Variants in BNC2 observed in about 807,000 individuals in gnomAD.
The protein encoded by BNC2 is basonuclin zinc finger protein 2, also known as zinc finger protein basonuclin-2.
A neutral mutation model predicts 76.3 loss-of-function variants in BNC2; 20 were observed. That is an observed-to-expected ratio of 0.26 (90% CI 0.18 to 0.38). The LOEUF (loss-of-function observed/expected upper bound fraction) is 0.38, where lower values mean the gene tolerates loss of function less well. Among genes scored for constraint, BNC2 ranks in the 10% least tolerant of loss-of-function variants. The pLI is 1.00. For missense variants in BNC2, 1,382 were observed against 1,399.8 expected, an observed-to-expected ratio of 0.99 and a Z score of 0.20; for synonymous variants, 582 against 514.8, an observed-to-expected ratio of 1.13 and a Z score of -1.77.
chr9:16,857,452 G>C (rs1044368809), intron 1 of BNC2, among the ~76,000 whole-genome samples: 23 of 136,528 alleles, frequency 1.7e-4, no homozygotes, highest in African/African-American at 5.8e-4. Context: ...ACACCAGCCT[G>C]GGCAACAGAG....
intron 1 of BNC2, among the ~76,000 whole-genome samples, chr9:16,796,969 C>A (rs1275681964): frequency 6.6e-6 from 1 of 152,090 alleles, no homozygotes; most frequent in Admixed American, 6.5e-5. Flanking sequence ...TACGATATGG[C>A]ACAAAACAAG....
chr9:16,843,895 A>G (rs1818896077), intron 1 of BNC2, among the ~76,000 whole-genome samples: 2 of 152,244 alleles, frequency 1.3e-5, no homozygotes, highest in Non-Finnish European at 1.5e-5. Flanking sequence ...CAGAACTGAT[A>G]ATGCCATGAG....
intron 4 of BNC2, among the ~76,000 whole-genome samples, chr9:16,570,933 TTC>T (rs1312903126): frequency 2.6e-5 from 4 of 152,206 alleles, no homozygotes; most frequent in Non-Finnish European, 4.4e-5. Context: ...GTGCTTTGAA[TTC>T]TGTTTACTAA....
intron 1 of BNC2, chr9:16,867,248 T>G (rs1365279525): frequency 1.3e-5 from 2 of 152,196 alleles, no homozygotes; most frequent in African/African-American, 4.8e-5. Context: ...ATGAACTGTA[T>G]CTGTGGGGTT....
chr9:16,869,238 C>A (rs1819616808), intron 1 of BNC2, among the ~76,000 whole-genome samples: 1 of 151,686 alleles, frequency 6.6e-6, no homozygotes, highest in Non-Finnish European at 1.5e-5. Context: ...AAACAGGCCA[C>A]TTTTTGCCAC....
At chr9:16,645,869 G>C (rs1207223685) in intron 3 of BNC2, among the ~76,000 whole-genome samples, 2 of 152,152 alleles carry the variant, frequency 1.3e-5, no homozygotes, top group African/African-American at 4.8e-5. Flanking sequence ...CTCTCAAGTA[G>C]CAACTCAGGT....
chr9:16,531,360 G>A (rs1408988777), intron 5 of BNC2, among the ~76,000 whole-genome samples: 1 of 151,272 alleles, frequency 6.6e-6, no homozygotes, highest in Non-Finnish European at 1.5e-5. Context: ...AGATGCTACA[G>A]CAGATTTCTG....
chr9:16,558,163 T>C (rs947154099), intron 4 of BNC2, among the ~76,000 whole-genome samples: 14 of 152,176 alleles, frequency 9.2e-5, no homozygotes, highest in African/African-American at 2.2e-4. Flanking sequence ...CAGTATTTCA[T>C]AGAACTGAAT....
intron 1 of BNC2, among the ~76,000 whole-genome samples, chr9:16,770,104 C>G (rs2135451544): frequency 6.6e-6 from 1 of 152,282 alleles, no homozygotes; most frequent in East Asian, 1.9e-4. Flanking sequence ...CTTCCTAAAG[C>G]AGTTCAACAG....
chr9:16,721,989 T>G (rs1231333926), intron 3 of BNC2, among the ~76,000 whole-genome samples: 2 of 152,212 alleles, frequency 1.3e-5, no homozygotes, highest in African/African-American at 2.4e-5. Flanking sequence ...TATTCACGTT[T>G]ACAAGGAAAA....
chr9:16,638,720 A>T (rs1191921076), intron 3 of BNC2, among the ~76,000 whole-genome samples: 1 of 152,190 alleles, frequency 6.6e-6, no homozygotes. Context: ...ACGAAAATAC[A>T]CTAAACAGAA....
intron 6 of BNC2, among the ~76,000 whole-genome samples, chr9:16,422,253 T>C (rs935411060): frequency 6.6e-5 from 10 of 152,230 alleles, no homozygotes; most frequent in East Asian, 3.8e-4. Flanking sequence ...CAGAAATGTG[T>C]AGACCAGCTC....
chr9:16,776,336 C>G (rs1391249809), intron 1 of BNC2, among the ~76,000 whole-genome samples: 4 of 152,074 alleles, frequency 2.6e-5, no homozygotes, highest in Non-Finnish European at 5.9e-5. Context: ...GACGGGGTTT[C>G]ACCATGTTGC....
At chr9:16,799,398 T>G (rs2135736464) in intron 1 of BNC2, among the ~76,000 whole-genome samples, 1 of 152,186 alleles carries the variant, frequency 6.6e-6, no homozygotes, top group South Asian at 2.1e-4. Context: ...CACTGCAACC[T>G]CCACCTCCCA....
rs570128150 is a variant in BNC2, at chr9:16,618,557, G to A, written c.331-35472C>T. Reference sequence around the variant, plus strand: ...TAAATTTCATCTTCAAAAAAGAGGAGTAGGACTTCACATTACAGTACTTAA... The same window carrying A: ...TAAATTTCATCTTCAAAAAAGAGGAATAGGACTTCACATTACAGTACTTAA... On this transcript the variant is annotated intron_variant, in intron 3 of 6. Coordinates refer to ENST00000380672, the MANE Select transcript of BNC2 (RefSeq NM_017637.6). 2.6e-5 allele frequency among the ~76,000 whole-genome samples: 4 copies of A among 152,268 alleles called. No homozygotes were observed. In the South Asian group the frequency reaches 8.3e-4, roughly 32 times the overall value.
At chr9:16,469,732 T>C (rs1821779555) in intron 5 of BNC2, among the ~76,000 whole-genome samples, 1 of 152,216 alleles carries the variant, frequency 6.6e-6, no homozygotes, top group Non-Finnish European at 1.5e-5. Context: ...AGAGATGTGT[T>C]GAATGGCTTT....
chr9:16,670,409 G>A (rs568269074), intron 3 of BNC2, among the ~76,000 whole-genome samples: 1 of 152,054 alleles, frequency 6.6e-6, no homozygotes, highest in Non-Finnish European at 1.5e-5. Flanking sequence ...TGAACTTCTG[G>A]GCTCAAGTCA....
intron 2 of BNC2, 73 bp from the exon 3 acceptor site, chr9:16,728,070 G>C (rs980601170): frequency 8.6e-7 from 1 of 1,162,994 alleles, no homozygotes. Context: ...TAAGAAGCTG[G>C]CTGAACTGTG....
At chr9:16,848,813 T>G (rs932116449) in intron 1 of BNC2, among the ~76,000 whole-genome samples, 3 of 152,198 alleles carry the variant, frequency 2.0e-5, no homozygotes, top group Admixed American at 6.5e-5. Flanking sequence ...AGTACCAACA[T>G]GTCCTAAGTG....
Sources: gnomAD v4.1 joint callset for allele counts (sites outside exome capture counted in the v4.1 genomes callset) on GRCh38, gnomAD v4.1.1 for gene constraint, MANE v1.5 for transcripts, NCBI Gene and HGNC (gene_info 2026-07-23, HGNC 2026-07-21) for gene names.